The following CLCA4 variants were observed in gnomAD, a reference collection of about 807,000 sequenced individuals.
The protein encoded by CLCA4 is calcium-activated chloride channel regulator 4.
CLCA4 carries 69 observed loss-of-function variants against 78.9 expected under a neutral mutation model. The ratio of observed to expected loss-of-function variants is 0.87; its 90% confidence interval spans 0.72 to 1.07. The LOEUF is 1.07. CLCA4 is among the 50% of genes least tolerant of loss of function. The probability of loss-of-function intolerance (pLI) is 0.00; values close to 1 mark genes in which losing one functional copy is unlikely to be tolerated. For synonymous variants in CLCA4, 362 were observed against 375.8 expected (o/e 0.96, Z 0.42); for missense variants, 1,133 against 1,095.8 (o/e 1.03, Z -0.48).
At chr1:86,574,965 TG>T (rs1650465859) in intron 10 of CLCA4, among the ~76,000 whole-genome samples, 1 of 152,128 alleles carries the variant, frequency 6.6e-6, no homozygotes, top group East Asian at 1.9e-4. Context: ...TAGTCAAGAC[TG>T]TCTGAGAAGA....
intron 9 of CLCA4, 72 bp downstream of exon 9, chr1:86,572,792 T>C: frequency 1.2e-6 from 1 of 865,628 alleles, no homozygotes; most frequent in Non-Finnish European, 2.0e-6. Flanking sequence ...TGGTTATAAG[T>C]TTTGAGTTCC....
chr1:86,579,704 A>T (rs1344589253), intron 13 of CLCA4, 117 bp downstream of exon 13: 1 of 779,386 alleles, frequency 1.3e-6, no homozygotes, highest in Non-Finnish European at 2.1e-6. Flanking sequence ...GCAAAGTGTT[A>T]ATTTTATAAT....
At position 86,567,443 on chromosome 1, in the gene CLCA4, G is replaced by A. The variant is rs1014964478; in HGVS notation, c.974G>A (p.Arg325Gln). Residue 325 changes from arginine (R) to glutamine (Q), a missense_variant, in exon 7 of 14, where the codon CGA becomes CAA. By Grantham distance (43) the Arg-to-Gln change is conservative (BLOSUM62 1). Transcript: ENST00000370563. ...GSMGGKDRLN[R>Q]MNQAAKHFLL... Reference sequence around the variant, plus strand: ...ATCTAGGGTAAGGACCGCCTAAATCGAATGAATCAAGCAGCAAAACATTTC... The same window carrying A: ...ATCTAGGGTAAGGACCGCCTAAATCAAATGAATCAAGCAGCAAAACATTTC... 2.5e-6 allele frequency: 4 copies of A among 1,612,110 alleles called. No individual in the cohort carries two copies. The highest frequency in any genetic ancestry group is 3.4e-6 in the Non-Finnish European group (4 of 1,178,888).
chr1:86,578,610 T>C (rs1650604677), intron 12 of CLCA4, among the ~76,000 whole-genome samples: 1 of 152,028 alleles, frequency 6.6e-6, no homozygotes, highest in South Asian at 2.1e-4. Context: ...TCCAGCTCCA[T>C]CCATGTTCCT....
intron 7 of CLCA4, among the ~76,000 whole-genome samples, chr1:86,568,832 A>G (rs1331921331): frequency 2.0e-5 from 3 of 151,928 alleles, no homozygotes; most frequent in African/African-American, 4.8e-5. Context: ...ATTTACTCCC[A>G]ACCCAATTGC....
At chr1:86,577,686 T>C (rs1650559654) in intron 11 of CLCA4, among the ~76,000 whole-genome samples, 1 of 152,090 alleles carries the variant, frequency 6.6e-6, no homozygotes, top group Non-Finnish European at 1.5e-5. Context: ...TGTGTGTGTA[T>C]GTATGTTATA....
In CLCA4 at chr1:86,580,322, T is replaced by C. The variant is rs1570342509; in HGVS notation, c.2737T>C (p.Phe913Leu). Residue 913 changes from phenylalanine (F) to leucine (L), a missense_variant, in exon 14 of 14, where the codon TTT (phenylalanine) becomes CTT (leucine). Physicochemically the swap from Phe to Leu is conservative, Grantham distance 22. Coordinates refer to ENST00000370563, the MANE Select transcript of CLCA4 (RefSeq NM_012128.4). The stretch of plus-strand genomic sequence containing the variant: ...GATTGGGTCTGTTGTAATTGTTAAC[T>C]TTATTTTAAGTACCACCATTTGAAC... ...SVIGSVVIVN[F>L]ILSTTI 2 of 1,594,114 alleles carry C rather than the reference T, an allele frequency of 1.3e-6. No homozygotes were observed. The highest frequency in any genetic ancestry group is 4.5e-5 in the East Asian group (2 of 44,638).
chr1:86,572,538 C>G, intron 8 of CLCA4, 76 bp from the exon 9 acceptor site: 1 of 855,724 alleles, frequency 1.2e-6, no homozygotes, highest in Non-Finnish European at 1.9e-6. Context: ...TTTGTTTTAA[C>G]TATTAGCTTA....
At chr1:86,571,910 G>A (rs186446182) in intron 8 of CLCA4, among the ~76,000 whole-genome samples, 6 of 152,044 alleles carry the variant, frequency 3.9e-5, no homozygotes, top group Admixed American at 6.6e-5. Context: ...TATGACATGA[G>A]TATAAATTAT....
rs188545385 is a variant in CLCA4 at position 86,576,344 on chromosome 1, T to A, written c.1951+745T>A. The stretch of plus-strand genomic sequence containing the variant: ...TGCTCAGCTAATCTTTAAATTTTTT[T>A]TGTAGAGAAAAGGTCAACAAAAGAG... On this transcript the variant is annotated intron_variant, in intron 11 of 13. Coordinates refer to ENST00000370563, the MANE Select transcript of CLCA4 (RefSeq NM_012128.4). Among the ~76,000 whole-genome samples the A allele has an allele frequency of 6.6e-5, 10 of 152,008 alleles. 1 individual carries two copies. In the Middle Eastern group the frequency reaches 0.01, roughly 155 times the overall value.
At position 86,580,091 on chromosome 1, in the gene CLCA4, G is replaced by A; in HGVS notation, c.2506G>A (p.Glu836Lys). ...FAFKPENISE[E>K]NATHIFIAIK... ...ATTTAAACCAGAAAATATCTCAGAAGAAAATGCAACCCACATATTTATTGC... is the reference window on the plus strand; with the variant it reads ...ATTTAAACCAGAAAATATCTCAGAAAAAAATGCAACCCACATATTTATTGC... Residue 836 changes from glutamate (E) to lysine (K), a missense_variant, in exon 14 of 14, where the codon GAA (glutamate) becomes AAA (lysine). Physicochemically the swap from Glu to Lys is moderately conservative, Grantham distance 56 (BLOSUM62 1). Transcript: ENST00000370563. The A allele has an allele frequency of 6.2e-7, 1 of 1,612,940 alleles. No individual in the cohort carries two copies. Among genetic ancestry groups the A allele is most frequent in the South Asian group, 1.1e-5 (1 of 91,044 alleles).
intron 4 of CLCA4, among the ~76,000 whole-genome samples, chr1:86,564,698 TCAATTA>T (rs1302350208): frequency 6.6e-6 from 1 of 152,152 alleles, no homozygotes; most frequent in Non-Finnish European, 1.5e-5. Context: ...CCACCTGTGG[TCAATTA>T]CATTCCATAA....
chr1:86,554,302 T>C (rs1649764144), intron 1 of CLCA4, among the ~76,000 whole-genome samples: 1 of 152,232 alleles, frequency 6.6e-6, no homozygotes, highest in Non-Finnish European at 1.5e-5. Flanking sequence ...GCTCCACCCA[T>C]GTTCCCGCAA....
intron 9 of CLCA4, among the ~76,000 whole-genome samples, chr1:86,573,137 A>C (rs921111697): frequency 6.6e-6 from 1 of 152,004 alleles, no homozygotes; most frequent in Non-Finnish European, 1.5e-5. Flanking sequence ...TGGCTGGGAA[A>C]TGGAAGGAGT....
chr1:86,558,031 C>G (rs1399631328), intron 1 of CLCA4, among the ~76,000 whole-genome samples: 1 of 151,574 alleles, frequency 6.6e-6, no homozygotes, highest in African/African-American at 2.4e-5. Context: ...TTCTGCTTTG[C>G]ATTTGCTTGG....
chr1:86,575,311 T>C (rs755872609), intron 10 of CLCA4, 21 bp from the exon 11 acceptor site: 10 of 1,599,730 alleles, frequency 6.3e-6, no homozygotes, highest in South Asian at 4.4e-5. Flanking sequence ...ATACTTACTA[T>C]ATTTCTGTTG....
intron 1 of CLCA4, among the ~76,000 whole-genome samples, chr1:86,550,482 T>A (rs1194595026): frequency 6.6e-6 from 1 of 152,142 alleles, no homozygotes; most frequent in African/African-American, 2.4e-5. Flanking sequence ...TGCCCAGATT[T>A]TACAATGTTT....
chr1:86,554,910 T>A (rs1471338309), intron 1 of CLCA4, among the ~76,000 whole-genome samples: 1 of 151,996 alleles, frequency 6.6e-6, no homozygotes, highest in Non-Finnish European at 1.5e-5. Context: ...TGGTATGAGA[T>A]GATATCTCAT....
At chr1:86,574,836 C>T (rs987559816) in intron 10 of CLCA4, 81 bp downstream of exon 10, 1 of 1,012,128 alleles carries the variant, frequency 9.9e-7, no homozygotes, top group Non-Finnish European at 1.5e-6. Context: ...AATGTCAGTA[C>T]CAAAGGCTGT....
Sources: allele counts gnomAD v4.1 joint callset (sites outside exome capture counted in the v4.1 genomes callset), GRCh38; gene constraint gnomAD v4.1.1; transcripts MANE v1.5; gene names NCBI Gene and HGNC (gene_info 2026-07-23, HGNC 2026-07-21).